The following FBXL17 variants were observed in gnomAD, a reference collection of about 807,000 sequenced individuals.
The protein encoded by FBXL17 is F-box and leucine rich repeat protein 17.
A neutral mutation model predicts 66.2 loss-of-function variants in FBXL17; 22 were observed. The observed-to-expected ratio is 0.33, with a 90% confidence interval of 0.24 to 0.47. The LOEUF (loss-of-function observed/expected upper bound fraction) is 0.47. FBXL17 is among the 20% of genes least tolerant of loss of function. The probability of loss-of-function intolerance (pLI) is 1.00; values close to 1 mark genes in which losing one functional copy is unlikely to be tolerated. For missense variants in FBXL17, 878 were observed against 948.2 expected (o/e 0.93, Z 0.97); for synonymous variants, 474 against 400.5 (o/e 1.18, Z -2.19).
chr5:108,011,754 G>A (rs540221830), intron 7 of FBXL17, among the ~76,000 whole-genome samples: 3 of 152,336 alleles, frequency 2.0e-5, no homozygotes, highest in South Asian at 2.1e-4. Flanking sequence ...AACCTGGGAG[G>A]TGGAGGTCGC....
At chr5:108,032,431 C>A (rs545964161) in intron 6 of FBXL17, among the ~76,000 whole-genome samples, 1 of 152,164 alleles carries the variant, frequency 6.6e-6, no homozygotes, top group African/African-American at 2.4e-5. Flanking sequence ...ATAAATGTTA[C>A]CTTCCATGGA....
chr5:108,169,047 A>G (rs1412669914), intron 6 of FBXL17, among the ~76,000 whole-genome samples: 1 of 152,194 alleles, frequency 6.6e-6, no homozygotes, highest in Non-Finnish European at 1.5e-5. Context: ...ATCAAGCAGC[A>G]GCAATGTCTG....
chr5:108,368,807 A>G (rs1748837666), intron 1 of FBXL17, among the ~76,000 whole-genome samples: 1 of 152,234 alleles, frequency 6.6e-6, no homozygotes, highest in Non-Finnish European at 1.5e-5. Flanking sequence ...AAGAAAAATA[A>G]GTCTCAGGAC....
intron 7 of FBXL17, among the ~76,000 whole-genome samples, chr5:107,929,750 C>A (rs1479106934): frequency 1.3e-5 from 2 of 152,056 alleles, no homozygotes; most frequent in Non-Finnish European, 2.9e-5. Flanking sequence ...GTAGGAGCAT[C>A]ACCTGTTCCA....
intron 6 of FBXL17, among the ~76,000 whole-genome samples, chr5:108,180,931 T>C (rs1752977019): frequency 6.6e-6 from 1 of 152,162 alleles, no homozygotes; most frequent in Admixed American, 6.6e-5. Context: ...ATAAACTAAG[T>C]TCATTTTCAG....
chr5:108,212,435 CT>C (rs1754416375), intron 5 of FBXL17, among the ~76,000 whole-genome samples: 1 of 152,142 alleles, frequency 6.6e-6, no homozygotes, highest in Non-Finnish European at 1.5e-5. Context: ...AATTTTCAGC[CT>C]TTTTGTGCTG....
chr5:108,198,035 T>C (rs1456668584), intron 5 of FBXL17, among the ~76,000 whole-genome samples: 1 of 152,152 alleles, frequency 6.6e-6, no homozygotes, highest in Non-Finnish European at 1.5e-5. Flanking sequence ...CACAGGATGA[T>C]AACCATCAGC....
intron 6 of FBXL17, among the ~76,000 whole-genome samples, chr5:108,136,385 C>A (rs911696050): frequency 1.3e-5 from 2 of 152,094 alleles, no homozygotes; most frequent in East Asian, 3.9e-4. Flanking sequence ...CCAAAACCAA[C>A]AAGTCACAAT....
chr5:108,191,552 T>C (rs1272454949), intron 5 of FBXL17, among the ~76,000 whole-genome samples: 1 of 152,164 alleles, frequency 6.6e-6, no homozygotes, highest in Non-Finnish European at 1.5e-5. Flanking sequence ...GATAACTGAG[T>C]GTCAACAAGG....
chr5:107,969,315 A>G (rs532832961), intron 7 of FBXL17, among the ~76,000 whole-genome samples: 1 of 152,250 alleles, frequency 6.6e-6, no homozygotes, highest in South Asian at 2.1e-4. Flanking sequence ...TGATTAGTAC[A>G]CTTTAGTATA....
intron 6 of FBXL17, among the ~76,000 whole-genome samples, chr5:108,066,582 G>C (rs1188237218): frequency 6.6e-6 from 1 of 151,884 alleles, no homozygotes; most frequent in Non-Finnish European, 1.5e-5. Flanking sequence ...ATGTAAAATA[G>C]GTTTCAAGTG....
intron 4 of FBXL17, among the ~76,000 whole-genome samples, chr5:108,286,936 A>C (rs986965645): frequency 1.3e-5 from 2 of 151,978 alleles, no homozygotes; most frequent in African/African-American, 4.8e-5. Context: ...AAAGACACAC[A>C]GACAAATGGA....
At chr5:108,019,361 A>C (rs997860770) in intron 7 of FBXL17, among the ~76,000 whole-genome samples, 2 of 152,116 alleles carry the variant, frequency 1.3e-5, no homozygotes, top group African/African-American at 2.4e-5. Context: ...ACTTAATAGT[A>C]GGTGCTGGGC....
At chr5:107,957,548 C>G (rs1751712911) in intron 7 of FBXL17, among the ~76,000 whole-genome samples, 1 of 152,148 alleles carries the variant, frequency 6.6e-6, no homozygotes, top group Admixed American at 6.5e-5. Flanking sequence ...CATCATCTTT[C>G]AGATCTCCAT....
chr5:107,996,939 C>T lies in FBXL17; in HGVS notation c.1822+23986G>A, dbSNP rs6880705. On this transcript the variant is annotated intron_variant, in intron 7 of 8. Coordinates refer to ENST00000542267, the MANE Select transcript of FBXL17 (RefSeq NM_001163315.3). ...TTGAATTTTTAACATCACTACTCTT[C>T]GCATGTTGCCTGTGACAGATGCAGA... 1.1e-4 allele frequency among the ~76,000 whole-genome samples: 17 copies of T among 152,144 alleles called. No individual in the cohort carries two copies. The East Asian group carries it at 2.7e-3, about 24-fold the overall frequency.
intron 4 of FBXL17, among the ~76,000 whole-genome samples, chr5:108,334,084 T>C (rs906460248): frequency 3.9e-5 from 6 of 152,204 alleles, no homozygotes; most frequent in Non-Finnish European, 7.4e-5. Flanking sequence ...TCCAAATATA[T>C]AGTGATAACA....
intron 6 of FBXL17, among the ~76,000 whole-genome samples, chr5:108,175,081 G>T (rs572320908): frequency 6.6e-6 from 1 of 152,148 alleles, no homozygotes; most frequent in East Asian, 1.9e-4. Context: ...TGAACCAATT[G>T]CCTGGATTTC....
intron 6 of FBXL17, among the ~76,000 whole-genome samples, chr5:108,035,644 G>C (rs1189052283): frequency 6.6e-6 from 1 of 152,104 alleles, no homozygotes; most frequent in Non-Finnish European, 1.5e-5. Flanking sequence ...TAGGATTACA[G>C]GCGTGAGCCA....
At chr5:107,924,076 T>G (rs1750414794) in intron 7 of FBXL17, among the ~76,000 whole-genome samples, 1 of 150,904 alleles carries the variant, frequency 6.6e-6, no homozygotes. Context: ...TTTTTTTTTT[T>G]TTTTTTTTAA....
Sources: gnomAD v4.1 joint callset for allele counts (sites outside exome capture counted in the v4.1 genomes callset) on GRCh38, gnomAD v4.1.1 for gene constraint, MANE v1.5 for transcripts, NCBI Gene and HGNC (gene_info 2026-07-23, HGNC 2026-07-21) for gene names.